Variants in PRRX2 observed in about 807,000 individuals in gnomAD.
PRRX2 encodes the protein paired related homeobox 2, also known as paired mesoderm homeobox protein 2.
A neutral mutation model predicts 18.0 loss-of-function variants in PRRX2; 11 were observed. That is an observed-to-expected ratio of 0.61 (90% CI 0.39 to 1.01). The LOEUF (loss-of-function observed/expected upper bound fraction) is 1.01, where lower values mean the gene tolerates loss of function less well. Ranked by LOEUF, PRRX2 falls within the 50% of genes least tolerant of loss-of-function variation. The pLI, the probability that PRRX2 is intolerant of heterozygous loss-of-function variation, is 0.01. For missense variants in PRRX2, 387 were observed against 351.0 expected, an observed-to-expected ratio of 1.10 and a Z score of -0.82; for synonymous variants, 177 against 154.8, an observed-to-expected ratio of 1.14 and a Z score of -1.06.
At chr9:129,666,179 G>T in intron 1 of PRRX2, 53 bp downstream of exon 1, 1 of 994,758 alleles carries the variant, frequency 1.0e-6, no homozygotes, top group Non-Finnish European at 1.2e-6. Flanking sequence ...CGGGGCCGGG[G>T]CCGGGGCGCG....
chr9:129,675,247 G>A lies in PRRX2; in HGVS notation c.259+9121G>A, dbSNP rs1450253018. Reference sequence around the variant, plus strand: ...TGCCAAAGCTGCACTGCCGGGTCTAGGAGGAAGTATTTGCTCTCGACCATC... The same window carrying A: ...TGCCAAAGCTGCACTGCCGGGTCTAAGAGGAAGTATTTGCTCTCGACCATC... On this transcript the variant is annotated intron_variant, in intron 1 of 3. Coordinates refer to ENST00000372469, the MANE Select transcript of PRRX2 (RefSeq NM_016307.4). The surrounding 1 kb of genome is among the most constrained non-coding windows in gnomAD (Gnocchi z 4.4). Among the ~76,000 whole-genome samples, 1 of 152,192 alleles carries A rather than the reference G, an allele frequency of 6.6e-6. No homozygotes were observed. Among genetic ancestry groups the A allele is most frequent in the Non-Finnish European group, 1.5e-5 (1 of 68,016 alleles).
intron 1 of PRRX2, among the ~76,000 whole-genome samples, chr9:129,712,248 A>G (rs1158855149): frequency 1.3e-5 from 2 of 152,182 alleles, no homozygotes; most frequent in African/African-American, 2.4e-5. Context: ...GCTAATTAAT[A>G]AAAGTTATTT....
rs1312530488 is a variant in PRRX2 at position 129,695,820 on chromosome 9, G to A, written c.260-23411G>A. Among the ~76,000 whole-genome samples, 1 of 152,120 alleles carries A rather than the reference G, an allele frequency of 6.6e-6. No individual in the cohort carries two copies. The highest frequency in any genetic ancestry group is 2.4e-5 in the African/African-American group (1 of 41,410). On this transcript the variant is annotated intron_variant, in intron 1 of 3. Coordinates refer to ENST00000372469, the MANE Select transcript of PRRX2 (RefSeq NM_016307.4). The surrounding 1 kb of genome is among the most constrained non-coding windows in gnomAD (Gnocchi z 4.8). ...AATTTCTGACAGCCCAAGTTAACAA[G>A]CCCCCACAAGTGAATTCAGAGAGCA... is the stretch of plus-strand genomic sequence containing the variant.
Position 129,691,155 on chromosome 9 carries a change from T to A in PRRX2, c.259+25029T>A, listed in dbSNP as rs1486388368. On this transcript the variant is annotated intron_variant, in intron 1 of 3. Coordinates refer to ENST00000372469, the MANE Select transcript of PRRX2 (RefSeq NM_016307.4). The stretch of plus-strand genomic sequence containing the variant: ...GCCTAGACAACATGGTGAAACCCTG[T>A]CTCTGCTAAATATACAAAAAAAAAA... 4.2e-5 allele frequency among the ~76,000 whole-genome samples: 6 copies of A among 144,120 alleles called. No homozygotes were observed. In the South Asian group the frequency reaches 1.1e-3, roughly 26 times the overall value. 94.5% of individuals were successfully genotyped at this position (144,120 alleles called of 152,430 possible).
chr9:129,667,644 G>A (rs1000770445), intron 1 of PRRX2, among the ~76,000 whole-genome samples: 3 of 152,088 alleles, frequency 2.0e-5, no homozygotes, highest in Non-Finnish European at 2.9e-5. Flanking sequence ...AGGGTGTCTC[G>A]TACTCCAGTC....
chr9:129,686,326 G>C (rs1832298511), intron 1 of PRRX2, among the ~76,000 whole-genome samples: 1 of 152,222 alleles, frequency 6.6e-6, no homozygotes, highest in African/African-American at 2.4e-5. Context: ...TGAGGGGCGG[G>C]TATCTGGATG....
chr9:129,682,956 CAATT>C (rs1321042928), intron 1 of PRRX2, among the ~76,000 whole-genome samples: 1 of 152,038 alleles, frequency 6.6e-6, no homozygotes, highest in Non-Finnish European at 1.5e-5. Context: ...AAAAATACAA[CAATT>C]AATCCAGCAT....
intron 1 of PRRX2, among the ~76,000 whole-genome samples, chr9:129,673,240 A>AGCTT (rs1381770693): frequency 6.6e-6 from 1 of 152,168 alleles, no homozygotes; most frequent in African/African-American, 2.4e-5. Context: ...CTTAAGACCA[A>AGCTT]AAGTTCAAGA....
Position 129,671,256 on chromosome 9 carries a change from G to A in PRRX2, c.259+5130G>A, listed in dbSNP as rs1464387032. 1.3e-5 allele frequency among the ~76,000 whole-genome samples: 2 copies of A among 152,200 alleles called. No homozygotes were observed. The highest frequency in any genetic ancestry group is 4.8e-5 in the African/African-American group (2 of 41,450). On this transcript the variant is annotated intron_variant, in intron 1 of 3. Coordinates refer to ENST00000372469, the MANE Select transcript of PRRX2 (RefSeq NM_016307.4). This position sits in a 1 kb window ranked among gnomAD's most constrained non-coding sequence, Gnocchi z 4.0. The stretch of plus-strand genomic sequence containing the variant: ...TGAGTGAGAGGCTGAGTGCCCAGGG[G>A]GCCTTCCGTTTGGGAACTGCTGGGC...
At chr9:129,676,055 G>A (rs1391494227) in intron 1 of PRRX2, among the ~76,000 whole-genome samples, 1 of 152,212 alleles carries the variant, frequency 6.6e-6, no homozygotes, top group Non-Finnish European at 1.5e-5. Flanking sequence ...ACCCCAGGTG[G>A]GTGTAGAATG....
intron 1 of PRRX2, among the ~76,000 whole-genome samples, chr9:129,697,581 G>T (rs1473077002): frequency 6.6e-6 from 1 of 151,382 alleles, no homozygotes; most frequent in South Asian, 2.1e-4. Context: ...GGGCGGCGGC[G>T]GCTGGCGCGC....
At chr9:129,722,061 C>T (rs1832799387) in intron 3 of PRRX2, among the ~76,000 whole-genome samples, 156 bp from the exon 4 acceptor site, 1 of 152,110 alleles carries the variant, frequency 6.6e-6, no homozygotes, top group South Asian at 2.1e-4. Context: ...TGACTCCTGC[C>T]CAAACCCTAC....
At chr9:129,706,909 G>A (rs934573965) in intron 1 of PRRX2, among the ~76,000 whole-genome samples, 2 of 152,146 alleles carry the variant, frequency 1.3e-5, no homozygotes, top group African/African-American at 4.8e-5. Context: ...GCAGCTGCCA[G>A]TCTACCTCCA....
chr9:129,670,207 A>G (rs1472447266), intron 1 of PRRX2, among the ~76,000 whole-genome samples: 1 of 151,422 alleles, frequency 6.6e-6, no homozygotes, highest in Non-Finnish European at 1.5e-5. Context: ...CACTGTACGG[A>G]TGGACCACAT....
At chr9:129,684,523 C>CA (rs1564147482) in intron 1 of PRRX2, among the ~76,000 whole-genome samples, 4,865 of 42,956 alleles carry the variant, frequency 0.11, 250 homozygotes, top group African/African-American at 0.24. Context: ...CACACACACA[C>CA]CCACACACAC....
Position 129,680,100 on chromosome 9 carries a change from T to G in PRRX2, c.259+13974T>G, listed in dbSNP as rs953769527. On this transcript the variant is annotated intron_variant, in intron 1 of 3. Transcript: ENST00000372469. ...TTACGCCTGCCTCGCCCCTGAAGAG[T>G]GCTCAGTAAACACCAATTTAGGCAG... 2.6e-5 allele frequency among the ~76,000 whole-genome samples: 4 copies of G among 151,612 alleles called. No homozygotes were observed. The East Asian group carries it at 7.7e-4, about 29-fold the overall frequency.
intron 1 of PRRX2, among the ~76,000 whole-genome samples, chr9:129,673,409 A>G (rs187610225): frequency 5.9e-5 from 9 of 152,306 alleles, no homozygotes; most frequent in Admixed American, 1.3e-4. Context: ...GTGAGCTGTG[A>G]TTACACCACT....
chr9:129,679,068 G>A (rs1030189418), intron 1 of PRRX2, among the ~76,000 whole-genome samples: 4 of 152,314 alleles, frequency 2.6e-5, no homozygotes, highest in East Asian at 3.9e-4. Context: ...AGTCCACCAC[G>A]TGCAGGACGG....
chr9:129,718,700 G>A (rs1832746760), intron 1 of PRRX2: 1 of 152,326 alleles, frequency 6.6e-6, no homozygotes. Context: ...CTGTCTTTAG[G>A]GCTCCTGGGA....
Sources: gnomAD v4.1 joint callset for allele counts (sites outside exome capture counted in the v4.1 genomes callset) on GRCh38, gnomAD v4.1.1 for gene constraint, Gnocchi (gnomAD v3.1) non-coding constraint, MANE v1.5 for transcripts, NCBI Gene and HGNC (gene_info 2026-07-23, HGNC 2026-07-21) for gene names.